The following CHD8 variants were observed in gnomAD, a reference collection of about 807,000 sequenced individuals.
CHD8 encodes ATP-dependent chromatin remodeler CHD8.
In CHD8, 31 loss-of-function variants were observed where a neutral mutation model predicts 279.2. The ratio of observed to expected loss-of-function variants is 0.11; its 90% CI spans 0.08 to 0.15. The LOEUF is 0.15. Among genes scored for constraint, CHD8 ranks in the 10% least tolerant of loss-of-function variants. The pLI, the probability that CHD8 is intolerant of heterozygous loss-of-function variation, is 1.00. For synonymous variants in CHD8, 1,081 were observed against 1,139.6 expected (o/e 0.95, Z 1.04); for missense variants, 2,146 against 3,230.5 (o/e 0.66, Z 8.14).
chr14:21,420,765 AT>A (rs753051784), intron 5 of CHD8, among the ~76,000 whole-genome samples: 555 of 145,278 alleles, frequency 3.8e-3, no homozygotes, highest in South Asian at 8.7e-3. Context: ...TCTCATACAC[AT>A]TTTTTTTTTT....
chr14:21,434,645 C>T (rs565465024), intron 1 of CHD8, among the ~76,000 whole-genome samples: 1 of 152,102 alleles, frequency 6.6e-6, no homozygotes, highest in East Asian at 1.9e-4. Context: ...TCTTCTAGTT[C>T]GGTCTATGCC....
At chr14:21,414,798 A>G in intron 8 of CHD8, 140 bp downstream of exon 8, 1 of 683,868 alleles carries the variant, frequency 1.5e-6, no homozygotes, top group Admixed American at 2.8e-5. Context: ...CTCTCTGAAT[A>G]GCCATTTTTC....
Position 21,408,390 on chromosome 14 carries a change from C to A in CHD8, c.2652G>T (p.Met884Ile). Residue 884 changes from methionine to isoleucine, a missense_variant, in exon 13 of 38, where the codon ATG becomes ATT. This residue lies in a region of CHD8 where 211 missense variants were observed against 464.7 expected (regional missense o/e 0.45). Coordinates refer to ENST00000646647, the MANE Select transcript of CHD8 (RefSeq NM_001170629.2). This position sits in a 1 kb window ranked among gnomAD's most constrained non-coding sequence, Gnocchi z 4.3. ...GACTGCCATGGTACACAATAGTGTT[C>A]ATTTCTGTCCATGTATTAAATTCTC... ...WEREFNTWTE[M>I]NTIVYHGSLA... 6.2e-7 allele frequency: 1 copy of A among 1,613,954 alleles called. No individual in the cohort carries two copies. The highest frequency in any genetic ancestry group is 1.1e-5 in the South Asian group (1 of 91,084).
At chr14:21,437,038 G>A in intron 1 of CHD8, 2 of 1,078,948 alleles carry the variant, frequency 1.9e-6, no homozygotes, top group Non-Finnish European at 2.5e-6. Context: ...CTCCAGGGTG[G>A]GGATGGCCAA....
chr14:21,410,598 G>A (rs1178328647), intron 10 of CHD8, among the ~76,000 whole-genome samples: 3 of 152,216 alleles, frequency 2.0e-5, no homozygotes, highest in Non-Finnish European at 2.9e-5. Flanking sequence ...GTTTATGTAG[G>A]TATTCCACTG....
chr14:21,428,678 CA>C (rs1178638454), intron 3 of CHD8, among the ~76,000 whole-genome samples: 1 of 152,078 alleles, frequency 6.6e-6, no homozygotes, highest in Non-Finnish European at 1.5e-5. Context: ...AAGGATATCA[CA>C]AATCATTTTT....
At chr14:21,390,374 C>G (rs1887471800) in intron 37 of CHD8, among the ~76,000 whole-genome samples, 1 of 152,148 alleles carries the variant, frequency 6.6e-6, no homozygotes, top group Non-Finnish European at 1.5e-5. Context: ...TTCTCTCTAA[C>G]CCATCTTACT....
chr14:21,397,758 A>T, intron 27 of CHD8, 65 bp downstream of exon 27: 1 of 1,522,930 alleles, frequency 6.6e-7, no homozygotes, highest in Non-Finnish European at 9.0e-7. Flanking sequence ...CATTGGGTTC[A>T]GTCAAGGCTA....
intron 4 of CHD8, chr14:21,427,373 AGC>A: frequency 1.9e-6 from 1 of 539,196 alleles, no homozygotes. Context: ...CACTCACTTG[AGC>A]TTACTCTTGC....
chr14:21,390,227 C>A (rs1458282550), intron 37 of CHD8, among the ~76,000 whole-genome samples: 1 of 152,020 alleles, frequency 6.6e-6, no homozygotes, highest in Admixed American at 6.6e-5. Context: ...CAGAGTGAGA[C>A]CATGTCTCAA....
rs574901205 is a variant in CHD8, at chr14:21,418,372, G to GAGAT, written c.1717-2469_1717-2466dup. 2.6e-5 allele frequency among the ~76,000 whole-genome samples: 4 copies of GAGAT among 151,886 alleles called. No homozygotes were observed. The East Asian group carries it at 7.8e-4, about 29-fold the overall frequency. On this transcript the variant is annotated intron_variant, in intron 5 of 37. Coordinates refer to ENST00000646647, the MANE Select transcript of CHD8 (RefSeq NM_001170629.2). ...GTCTCTACTAAAAATACAAAAAAAT[G>GAGAT]AGATGGGCATGGTGGCGTGCACCTG...
chr14:21,403,416 A>T lies in CHD8; in HGVS notation c.3518+37T>A. 8 of 1,528,680 alleles carry T rather than the reference A, an allele frequency of 5.2e-6. No individual in the cohort carries two copies. The highest frequency in any genetic ancestry group is 2.8e-5 in the African/African-American group (2 of 70,562). 94.7% of individuals were successfully genotyped at this position (1,528,680 alleles called of 1,614,324 possible). A position where few individuals can be genotyped will look rare whatever the true frequency, so the allele number is the denominator to read the frequency against. ...TCCTACTTTTTGCTGCTTTATGAGGACAGAGTAACCACAGGCTAGGATGAC... is the reference window on the plus strand; with the variant it reads ...TCCTACTTTTTGCTGCTTTATGAGGTCAGAGTAACCACAGGCTAGGATGAC... On this transcript the variant is annotated intron_variant, in intron 17 of 37. Transcript: ENST00000646647. The surrounding 1 kb of genome is among the most constrained non-coding windows in gnomAD (Gnocchi z 4.3).
intron 5 of CHD8, among the ~76,000 whole-genome samples, chr14:21,418,801 A>C (rs1017257884): frequency 3.9e-5 from 6 of 152,226 alleles, no homozygotes; most frequent in Non-Finnish European, 8.8e-5. Flanking sequence ...AGCCTGGGCG[A>C]CACAGGGAGA....
chr14:21,391,332 G>C (rs187409405), intron 36 of CHD8, 131 bp downstream of exon 36: 50 of 862,144 alleles, frequency 5.8e-5, no homozygotes, highest in East Asian at 4.5e-4. Context: ...GGAAGACTGG[G>C]TATTATTAAT....
At position 21,431,671 on chromosome 14, in the gene CHD8, C is replaced by T. The variant is rs1889569393; in HGVS notation, c.-28G>A. 6.4e-7 allele frequency: 1 copy of T among 1,569,958 alleles called. No homozygotes were observed. The highest frequency in any genetic ancestry group is 8.6e-7 in the Non-Finnish European group (1 of 1,159,580). On this transcript the variant is annotated 5_prime_UTR_variant, in exon 2 of 38. Coordinates refer to ENST00000646647, the MANE Select transcript of CHD8 (RefSeq NM_001170629.2). ...TGGGAAAGTAATGGAGGGTACTTCTCCAAGGTCTAGGGAGGGAAGGGGAGG... is the reference window on the plus strand; with the variant it reads ...TGGGAAAGTAATGGAGGGTACTTCTTCAAGGTCTAGGGAGGGAAGGGGAGG...
chr14:21,440,212 G>T (rs993053340), intron 1 of CHD8, among the ~76,000 whole-genome samples: 2 of 151,308 alleles, frequency 1.3e-5, no homozygotes, highest in South Asian at 2.1e-4. Flanking sequence ...TTTGTTGCTG[G>T]TTTTTTTTTC....
At chr14:21,391,751 C>T (rs1887553089) in intron 35 of CHD8, 82 bp downstream of exon 35, 4 of 1,521,026 alleles carry the variant, frequency 2.6e-6, no homozygotes, top group Middle Eastern at 1.7e-4. Context: ...TTTTCCATTC[C>T]CCCAGTCCCA....
chr14:21,431,674 A>G lies in CHD8; in HGVS notation c.-31T>C. On this transcript the variant is annotated 5_prime_UTR_variant, in exon 2 of 38. Transcript: ENST00000646647. ...GAAAGTAATGGAGGGTACTTCTCCAAGGTCTAGGGAGGGAAGGGGAGGGGG... is the reference window on the plus strand; with the variant it reads ...GAAAGTAATGGAGGGTACTTCTCCAGGGTCTAGGGAGGGAAGGGGAGGGGG... 6.6e-7 allele frequency: 1 copy of G among 1,518,858 alleles called. No individual in the cohort carries two copies. Among genetic ancestry groups the G allele is most frequent in the Non-Finnish European group, 8.9e-7 (1 of 1,118,990 alleles). The allele number at this position is 1,518,858 out of a possible 1,614,324, so 94.1% of individuals were successfully genotyped here.
Position 21,400,349 on chromosome 14 carries a change from C to T in CHD8, c.4571-42G>A. The T allele has an allele frequency of 6.2e-7, 1 of 1,610,224 alleles. No individual in the cohort carries two copies. Among genetic ancestry groups the T allele is most frequent in the Non-Finnish European group, 8.5e-7 (1 of 1,178,754 alleles). On this transcript the variant is annotated intron_variant, in intron 23 of 37. Coordinates refer to ENST00000646647, the MANE Select transcript of CHD8 (RefSeq NM_001170629.2). This position sits in a 1 kb window ranked among gnomAD's most constrained non-coding sequence, Gnocchi z 4.2. The stretch of plus-strand genomic sequence containing the variant: ...ATCAAAGACTTGGATTGAGAAAAAC[C>T]CTTGGACCTGAAAAGGATTAGATTA...
Sources: gnomAD v4.1 joint callset for allele counts (sites outside exome capture counted in the v4.1 genomes callset) on GRCh38, gnomAD v4.1.1 for gene constraint, gnomAD v4.1.1 regional missense constraint, Gnocchi (gnomAD v3.1) non-coding constraint, MANE v1.5 for transcripts, NCBI Gene and HGNC (gene_info 2026-07-23, HGNC 2026-07-21) for gene names.